The following RFX3 variants were observed in gnomAD, a reference collection of about 807,000 sequenced individuals.
RFX3 encodes transcription factor RFX3.
A neutral mutation model predicts 98.6 loss-of-function variants in RFX3; 14 were observed. The observed-to-expected ratio is 0.14, with a 90% CI of 0.09 to 0.22. RFX3 has a LOEUF of 0.22. Among genes scored for constraint, RFX3 ranks in the 10% least tolerant of loss-of-function variants. The probability of loss-of-function intolerance (pLI) is 1.00; values close to 1 mark genes in which losing one functional copy is unlikely to be tolerated. For synonymous variants in RFX3, 383 were observed against 328.4 expected (o/e 1.17, Z -1.80); for missense variants, 639 against 926.9 (o/e 0.69, Z 4.03).
chr9:3,478,876 A>G (rs1849498791), intron 1 of RFX3, among the ~76,000 whole-genome samples: 1 of 152,138 alleles, frequency 6.6e-6, no homozygotes, highest in Non-Finnish European at 1.5e-5. Context: ...ACAGTTTGCT[A>G]TTGTTTCAGT....
intron 15 of RFX3, among the ~76,000 whole-genome samples, chr9:3,240,799 A>G (rs896073687): frequency 7.9e-5 from 12 of 152,222 alleles, no homozygotes; most frequent in African/African-American, 2.7e-4. Context: ...CACCATAAAG[A>G]CAGTGTCAAA....
chr9:3,404,039 A>C (rs1485299160), intron 1 of RFX3, among the ~76,000 whole-genome samples: 2 of 152,160 alleles, frequency 1.3e-5, no homozygotes, highest in African/African-American at 4.8e-5. Flanking sequence ...ACTCAAAGAG[A>C]TCAACACATC....
At chr9:3,410,188 T>TGC (rs1842341165) in intron 1 of RFX3, among the ~76,000 whole-genome samples, 1 of 151,060 alleles carries the variant, frequency 6.6e-6, no homozygotes. Context: ...TGTGTGTGTG[T>TGC]GTGTGTGTGT....
At chr9:3,523,155 T>C (rs760194457) in intron 1 of RFX3, among the ~76,000 whole-genome samples, 1 of 152,202 alleles carries the variant, frequency 6.6e-6, no homozygotes, top group African/African-American at 2.4e-5. Flanking sequence ...CATTATGACA[T>C]ACATTGAATC....
At chr9:3,228,723 T>C (rs1171600791) in intron 16 of RFX3, 124 bp downstream of exon 16, 2 of 688,982 alleles carry the variant, frequency 2.9e-6, no homozygotes, top group African/African-American at 1.8e-5. Context: ...AGTTTCCTAT[T>C]TATCTAGGAT....
intron 3 of RFX3, among the ~76,000 whole-genome samples, chr9:3,334,489 G>A (rs1384074524): frequency 6.6e-6 from 1 of 152,098 alleles, no homozygotes; most frequent in Non-Finnish European, 1.5e-5. Flanking sequence ...GCAAAAAAAT[G>A]CATCACAGAT....
chr9:3,388,692 C>T (rs550884616), intron 2 of RFX3, among the ~76,000 whole-genome samples: 2 of 151,944 alleles, frequency 1.3e-5, no homozygotes, highest in Non-Finnish European at 2.9e-5. Context: ...AAAAATCTAC[C>T]AGAAACAAAC....
At chr9:3,410,209 G>GTGTGT in intron 1 of RFX3, among the ~76,000 whole-genome samples, 42 of 148,606 alleles carry the variant, frequency 2.8e-4, no homozygotes, top group South Asian at 4.2e-4. Flanking sequence ...GTGTGTGTGT[G>GTGTGT]GCGCTATCAA....
intron 2 of RFX3, among the ~76,000 whole-genome samples, chr9:3,392,465 A>G (rs1452906511): frequency 6.6e-6 from 1 of 151,914 alleles, no homozygotes; most frequent in Non-Finnish European, 1.5e-5. Context: ...GATAGAAATT[A>G]AAAATAATAT....
At chr9:3,475,390 T>G (rs1284736661) in intron 1 of RFX3, among the ~76,000 whole-genome samples, 1 of 149,216 alleles carries the variant, frequency 6.7e-6, no homozygotes, top group African/African-American at 2.5e-5. Flanking sequence ...GTGCTGTTAT[T>G]TATTGGAAAC....
chr9:3,420,934 G>A (rs533873484), intron 1 of RFX3: 1 of 981,982 alleles, frequency 1.0e-6, no homozygotes, highest in African/African-American at 1.8e-5. Context: ...TTTCTCATCT[G>A]TAAAGTTCTG....
chr9:3,342,626 T>C (rs1227622474), intron 3 of RFX3, among the ~76,000 whole-genome samples: 3 of 151,880 alleles, frequency 2.0e-5, no homozygotes, highest in Non-Finnish European at 4.4e-5. Context: ...GTGGGGGAAG[T>C]ATGAGTCAAA....
Position 3,271,212 on chromosome 9 carries a change from T to A in RFX3, c.1087-94A>T. 1.2e-5 allele frequency: 13 copies of A among 1,061,682 alleles called. No homozygotes were observed. In the South Asian group the frequency reaches 1.8e-4, roughly 15 times the overall value. The allele number at this position is 1,061,682 out of a possible 1,614,324, so 65.8% of individuals were successfully genotyped here. On this transcript the variant is annotated intron_variant, in intron 9 of 16. Transcript: ENST00000617270. ...CATGACAAGATTTTATATGGTCAAGTTCTCCCTTGGGGTCATAAGTTAACA... is the reference window on the plus strand; with the variant it reads ...CATGACAAGATTTTATATGGTCAAGATCTCCCTTGGGGTCATAAGTTAACA...
At chr9:3,281,485 G>C (rs1394479527) in intron 7 of RFX3, among the ~76,000 whole-genome samples, 1 of 151,036 alleles carries the variant, frequency 6.6e-6, no homozygotes, top group African/African-American at 2.4e-5. Flanking sequence ...TTTAGATTTG[G>C]TTTTCCCAGA....
intron 3 of RFX3, among the ~76,000 whole-genome samples, chr9:3,334,411 C>T (rs1423914565): frequency 1.3e-5 from 2 of 152,200 alleles, no homozygotes; most frequent in Non-Finnish European, 2.9e-5. Flanking sequence ...AGAAAAACAT[C>T]CCAAGGGATC....
intron 1 of RFX3, among the ~76,000 whole-genome samples, chr9:3,513,928 T>C (rs1248845124): frequency 6.6e-6 from 1 of 152,206 alleles, no homozygotes; most frequent in Admixed American, 6.5e-5. Context: ...TTTAAAAGGT[T>C]TTACAATTCA....
intron 4 of RFX3, among the ~76,000 whole-genome samples, chr9:3,324,734 G>A (rs188651745): frequency 1.4e-4 from 21 of 152,102 alleles, no homozygotes; most frequent in East Asian, 7.7e-4. Context: ...AGGCTGAGGC[G>A]GGCAGATCAC....
At chr9:3,264,236 A>C (rs79229731) in intron 12 of RFX3, among the ~76,000 whole-genome samples, 8,186 of 152,248 alleles carry the variant, frequency 0.054, 759 homozygotes, top group African/African-American at 0.19. Context: ...TAAATCTCAT[A>C]ATCTCATGGA....
chr9:3,498,463 A>G (rs1851268492), intron 1 of RFX3, among the ~76,000 whole-genome samples: 1 of 152,084 alleles, frequency 6.6e-6, no homozygotes, highest in Non-Finnish European at 1.5e-5. Context: ...GGCCACAGCA[A>G]GAGTGAGAAA....
Sources: allele counts gnomAD v4.1 joint callset (sites outside exome capture counted in the v4.1 genomes callset), GRCh38; gene constraint gnomAD v4.1.1; transcripts MANE v1.5; gene names NCBI Gene and HGNC (gene_info 2026-07-23, HGNC 2026-07-21).